The following MMS22L variants were observed in gnomAD, a reference collection of about 807,000 sequenced individuals.
MMS22L encodes the protein protein MMS22-like.
MMS22L carries 74 observed loss-of-function variants against 159.1 expected under a neutral mutation model. That is an observed-to-expected ratio of 0.47 (90% CI 0.39 to 0.56). The LOEUF (loss-of-function observed/expected upper bound fraction) is 0.56. Among genes scored for constraint, MMS22L ranks in the 20% least tolerant of loss-of-function variants. The pLI, the probability that MMS22L is intolerant of heterozygous loss-of-function variation, is 0.00. For missense variants in MMS22L, 1,351 were observed against 1,422.1 expected (o/e 0.95, Z 0.80); for synonymous variants, 517 against 506.9 (o/e 1.02, Z -0.27).
intron 11 of MMS22L, among the ~76,000 whole-genome samples, chr6:97,236,632 T>C (rs889564753): frequency 2.0e-5 from 3 of 151,998 alleles, no homozygotes; most frequent in Non-Finnish European, 2.9e-5. Flanking sequence ...AAAATTAAGA[T>C]AAGACATTCT....
At chr6:97,243,285 TTTTC>T (rs1812277584) in intron 11 of MMS22L, among the ~76,000 whole-genome samples, 1 of 152,096 alleles carries the variant, frequency 6.6e-6, no homozygotes, top group Admixed American at 6.5e-5. Context: ...AAAAATTCTT[TTTTC>T]TTTGTCTTTA....
chr6:97,178,622 T>C, intron 17 of MMS22L, 37 bp from the exon 18 acceptor site: 2 of 1,095,284 alleles, frequency 1.8e-6, no homozygotes, highest in Non-Finnish European at 2.6e-6. Context: ...TATCAATTTA[T>C]ATAACATACT....
At chr6:97,188,474 T>C (rs985948582) in intron 14 of MMS22L, among the ~76,000 whole-genome samples, 6 of 152,206 alleles carry the variant, frequency 3.9e-5, no homozygotes, top group African/African-American at 1.2e-4. Context: ...ATAGGTATCA[T>C]TAATCCTCTT....
At chr6:97,241,483 T>A (rs1812065988) in intron 11 of MMS22L, among the ~76,000 whole-genome samples, 1 of 152,202 alleles carries the variant, frequency 6.6e-6, no homozygotes, top group African/African-American at 2.4e-5. Flanking sequence ...ATTTTTAAAT[T>A]ATGGCCATTC....
chr6:97,281,114 C>G, intron 3 of MMS22L, 123 bp downstream of exon 3: 2 of 908,002 alleles, frequency 2.2e-6, no homozygotes, highest in South Asian at 2.2e-5. Context: ...GTAAGATAAT[C>G]AAGTGAGCAA....
At chr6:97,253,248 A>G (rs1328463963) in intron 10 of MMS22L, among the ~76,000 whole-genome samples, 1 of 152,158 alleles carries the variant, frequency 6.6e-6, no homozygotes, top group Non-Finnish European at 1.5e-5. Flanking sequence ...CTATATTAAT[A>G]CTAACTAACC....
At chr6:97,156,915 C>A (rs1454795793) in intron 22 of MMS22L, among the ~76,000 whole-genome samples, 1 of 152,046 alleles carries the variant, frequency 6.6e-6, no homozygotes, top group African/African-American at 2.4e-5. Flanking sequence ...GGGAGTATGG[C>A]CATTTTCACG....
At chr6:97,229,482 A>G (rs887098122) in intron 13 of MMS22L, 79 bp from the exon 14 acceptor site, 20 of 985,946 alleles carry the variant, frequency 2.0e-5, no homozygotes, top group Admixed American at 3.0e-5. Context: ...AATTTGTTTC[A>G]ATACTCATAA....
intron 14 of MMS22L, among the ~76,000 whole-genome samples, chr6:97,226,736 C>A (rs1810300672): frequency 6.6e-6 from 1 of 151,826 alleles, no homozygotes; most frequent in South Asian, 2.1e-4. Context: ...AAGGAGATAT[C>A]TGGAAGGTTC....
At chr6:97,170,718 C>T (rs1433207418) in intron 19 of MMS22L, among the ~76,000 whole-genome samples, 7 of 152,080 alleles carry the variant, frequency 4.6e-5, no homozygotes, top group Non-Finnish European at 1.0e-4. Flanking sequence ...CATTTAAGAA[C>T]ATTAAAAGCT....
intron 14 of MMS22L, among the ~76,000 whole-genome samples, chr6:97,191,062 G>A (rs1428468213): frequency 6.6e-6 from 1 of 152,056 alleles, no homozygotes; most frequent in Non-Finnish European, 1.5e-5. Context: ...CACTTTCCAA[G>A]ATTTCCTGTT....
At chr6:97,156,812 TG>T (rs1291001520) in intron 22 of MMS22L, among the ~76,000 whole-genome samples, 1 of 152,190 alleles carries the variant, frequency 6.6e-6, no homozygotes, top group Admixed American at 6.5e-5. Context: ...CACTTTTTTT[TG>T]GTTCCATATG....
At chr6:97,234,922 G>A (rs1401306081) in intron 11 of MMS22L, among the ~76,000 whole-genome samples, 1 of 152,130 alleles carries the variant, frequency 6.6e-6, no homozygotes. Flanking sequence ...TTATTAGTAG[G>A]CTTGGTATTA....
At chr6:97,246,529 T>C (rs563679283) in intron 11 of MMS22L, 99 bp downstream of exon 11, 4 of 899,226 alleles carry the variant, frequency 4.4e-6, no homozygotes, top group East Asian at 2.7e-5. Flanking sequence ...AAGTTATTTG[T>C]TTTCTGAATC....
chr6:97,162,389 T>C (rs922406665), intron 21 of MMS22L, among the ~76,000 whole-genome samples: 18 of 152,088 alleles, frequency 1.2e-4, no homozygotes, highest in African/African-American at 4.3e-4. Flanking sequence ...AAGCACAATA[T>C]AGTCACAAAC....
At chr6:97,272,570 G>C (rs1170150511) in intron 6 of MMS22L, 134 bp downstream of exon 6, 11 of 721,348 alleles carry the variant, frequency 1.5e-5, no homozygotes, top group Non-Finnish European at 2.5e-5. Flanking sequence ...AAAGGAGGAT[G>C]GGGGGCAAGA....
rs772713442 is a variant in MMS22L, at chr6:97,272,768, A to G, written c.542T>C (p.Ile181Thr). 4 of 1,613,958 alleles carry G rather than the reference A, an allele frequency of 2.5e-6. No individual in the cohort carries two copies. Among genetic ancestry groups the G allele is most frequent in the South Asian group, 1.1e-5 (1 of 91,084 alleles). Reference sequence around the variant, plus strand: ...ACTGGGAAGTTCAGATAGGTGTCCAATATACAAGAGTAATCCATGAAGCTC... The same window carrying G: ...ACTGGGAAGTTCAGATAGGTGTCCAGTATACAAGAGTAATCCATGAAGCTC... ...IDELHGLLLY[I>T]GHLSELPSVN... Residue 181 changes from isoleucine to threonine, a missense_variant, in exon 6 of 25, where the codon ATT (isoleucine) becomes ACT (threonine). Coordinates refer to ENST00000683635, the MANE Select transcript of MMS22L (RefSeq NM_001350599.2).
At chr6:97,220,346 A>G (rs557813461) in intron 14 of MMS22L, among the ~76,000 whole-genome samples, 10 of 152,316 alleles carry the variant, frequency 6.6e-5, no homozygotes, top group African/African-American at 2.4e-4. Context: ...TACTGTGTCT[A>G]TTAGAGTGTC....
intron 4 of MMS22L, among the ~76,000 whole-genome samples, chr6:97,277,932 T>C (rs912318011): frequency 2.0e-4 from 30 of 152,228 alleles, no homozygotes; most frequent in Admixed American, 7.2e-4. Flanking sequence ...GTAGACACTG[T>C]GTTAAGCACT....
Sources: gnomAD v4.1 joint callset for allele counts (sites outside exome capture counted in the v4.1 genomes callset) on GRCh38, gnomAD v4.1.1 for gene constraint, MANE v1.5 for transcripts, NCBI Gene and HGNC (gene_info 2026-07-23, HGNC 2026-07-21) for gene names.